Variants in NTN1 observed in about 807,000 individuals in gnomAD.
The protein encoded by NTN1 is netrin-1.
Under a neutral mutation model 54.2 loss-of-function variants are expected in NTN1, and 11 were observed. That is an observed-to-expected ratio of 0.20 (90% CI 0.13 to 0.34). The LOEUF (loss-of-function observed/expected upper bound fraction) is 0.34, where lower values mean the gene tolerates loss of function less well. Ranked by LOEUF, NTN1 falls within the 10% of genes least tolerant of loss-of-function variation. NTN1 has a pLI of 1.00. For synonymous variants in NTN1, 371 were observed against 382.0 expected (o/e 0.97, Z 0.33); for missense variants, 740 against 893.1 (o/e 0.83, Z 2.18).
At chr17:9,137,807 T>A (rs1167871275) in intron 2 of NTN1, among the ~76,000 whole-genome samples, 5 of 149,888 alleles carry the variant, frequency 3.3e-5, no homozygotes, top group Admixed American at 1.3e-4. Flanking sequence ...AAAAAAAAAA[T>A]AAAACTGTTG....
chr17:9,159,674 G>A (rs183006489), intron 2 of NTN1, among the ~76,000 whole-genome samples: 6 of 152,156 alleles, frequency 3.9e-5, no homozygotes, highest in East Asian at 1.9e-4. Flanking sequence ...GGTGGCAGGC[G>A]CCTGTAATAG....
At chr17:9,078,172 G>A (rs1393539374) in intron 2 of NTN1, among the ~76,000 whole-genome samples, 1 of 152,218 alleles carries the variant, frequency 6.6e-6, no homozygotes, top group African/African-American at 2.4e-5. Flanking sequence ...GTGGTGAGCA[G>A]AAGAATGGCG....
At chr17:9,140,348 CG>C (rs2092294217) in intron 2 of NTN1, among the ~76,000 whole-genome samples, 1 of 152,188 alleles carries the variant, frequency 6.6e-6, no homozygotes, top group Non-Finnish European at 1.5e-5. Context: ...TGTGGCAGAA[CG>C]GGTGCTTTGC....
At chr17:9,126,600 A>C (rs2092248330) in intron 2 of NTN1, among the ~76,000 whole-genome samples, 1 of 152,214 alleles carries the variant, frequency 6.6e-6, no homozygotes, top group Admixed American at 6.5e-5. Flanking sequence ...TGGTCTCCTC[A>C]GGCTGATGCT....
Position 9,239,758 on chromosome 17 carries a change from G to A in NTN1, c.1605G>A (p.Leu535=). ...TSRIRRGDQS[L]WIRSRDIACK... ...GCATCCGCCGCGGTGACCAGAGCCT[G>A]TGGATCCGCTCGCGGGACATCGCCT... Residue 535 remains leucine, a synonymous_variant, in exon 7 of 7, where the codon CTG becomes CTA. Coordinates refer to ENST00000173229, the MANE Select transcript of NTN1 (RefSeq NM_004822.3). The surrounding 1 kb of genome is among the most constrained non-coding windows in gnomAD (Gnocchi z 5.2). 6.2e-7 allele frequency: 1 copy of A among 1,613,834 alleles called. No individual in the cohort carries two copies. Among genetic ancestry groups the A allele is most frequent in the Non-Finnish European group, 8.5e-7 (1 of 1,180,032 alleles).
At chr17:9,162,049 A>G (rs989978590) in intron 2 of NTN1, among the ~76,000 whole-genome samples, 11 of 152,160 alleles carry the variant, frequency 7.2e-5, no homozygotes, top group African/African-American at 9.6e-5. Flanking sequence ...GTCCTGAGCA[A>G]TGCTCATGGG....
At chr17:9,055,581 G>A (rs1311075960) in intron 2 of NTN1, among the ~76,000 whole-genome samples, 5 of 152,230 alleles carry the variant, frequency 3.3e-5, no homozygotes, top group Admixed American at 6.5e-5. Context: ...AAGAGAAGAC[G>A]TGAGGAGGTC....
At chr17:9,202,793 G>A (rs192232479) in intron 5 of NTN1, among the ~76,000 whole-genome samples, 85 of 152,334 alleles carry the variant, frequency 5.6e-4, no homozygotes, top group African/African-American at 1.9e-3. Flanking sequence ...ACAAGGAATC[G>A]TGCTGTCTGA....
intron 2 of NTN1, among the ~76,000 whole-genome samples, chr17:9,054,683 C>T (rs2091972880): frequency 1.3e-5 from 2 of 151,510 alleles, no homozygotes; most frequent in Non-Finnish European, 2.9e-5. Context: ...GTGAGTTTGG[C>T]GAGCTCGCAG....
intron 3 of NTN1, among the ~76,000 whole-genome samples, chr17:9,179,477 G>A (rs2092411471): frequency 6.6e-6 from 1 of 152,236 alleles, no homozygotes; most frequent in South Asian, 2.1e-4. Context: ...CTCCACCCAG[G>A]CGTGATGAGG....
intron 2 of NTN1, among the ~76,000 whole-genome samples, chr17:9,161,285 G>A (rs1346439898): frequency 1.3e-5 from 2 of 152,226 alleles, no homozygotes; most frequent in African/African-American, 4.8e-5. Flanking sequence ...GGGAGGAAGG[G>A]AACAGCATGT....
chr17:9,113,390 G>A (rs1411253888), intron 2 of NTN1, among the ~76,000 whole-genome samples: 1 of 152,086 alleles, frequency 6.6e-6, no homozygotes, highest in Non-Finnish European at 1.5e-5. Context: ...TTGCGAAAAT[G>A]TTGTGACTAA....
Position 9,075,058 on chromosome 17 carries a change from CTT to C in NTN1, c.1018+51669_1018+51670del, listed in dbSNP as rs146661610. On this transcript the variant is annotated intron_variant, in intron 2 of 6. Coordinates refer to ENST00000173229, the MANE Select transcript of NTN1 (RefSeq NM_004822.3). ...CCTAGTTGGTTTGTTTACCAAGTCT[CTT>C]TGAGAGGCACAGTGAGTAACAGCAG... Among the ~76,000 whole-genome samples, 526 of 152,328 alleles carry C rather than the reference CTT, an allele frequency of 3.5e-3. 2 individuals are homozygous for C. Among genetic ancestry groups the C allele is most frequent in the African/African-American group, 0.012 (499 of 41,574 alleles).
intron 2 of NTN1, among the ~76,000 whole-genome samples, chr17:9,047,137 G>T (rs1193376548): frequency 6.6e-6 from 1 of 152,204 alleles, no homozygotes. Flanking sequence ...TGTCACTGTT[G>T]GAGGGCTTTT....
intron 3 of NTN1, chr17:9,176,606 G>C (rs538162191): frequency 6.6e-6 from 1 of 152,256 alleles, no homozygotes; most frequent in East Asian, 1.9e-4. Flanking sequence ...TATAATGGGG[G>C]CCATCTCGAT....
intron 5 of NTN1, among the ~76,000 whole-genome samples, chr17:9,206,132 G>A (rs987801061): frequency 6.6e-6 from 1 of 152,140 alleles, no homozygotes; most frequent in African/African-American, 2.4e-5. Context: ...ACACTGGCTG[G>A]GGAGGACTGG....
intron 2 of NTN1, among the ~76,000 whole-genome samples, chr17:9,066,077 A>T (rs2092014140): frequency 6.6e-6 from 1 of 152,152 alleles, no homozygotes; most frequent in East Asian, 1.9e-4. Flanking sequence ...AATATAGTTA[A>T]ATGCAATTAT....
intron 2 of NTN1, among the ~76,000 whole-genome samples, chr17:9,039,610 T>A (rs2091915045): frequency 6.6e-6 from 1 of 152,212 alleles, no homozygotes; most frequent in South Asian, 2.1e-4. Flanking sequence ...ACAATCAAGA[T>A]AAATAACATA....
At chr17:9,072,578 C>T (rs553582228) in intron 2 of NTN1, among the ~76,000 whole-genome samples, 3 of 152,174 alleles carry the variant, frequency 2.0e-5, no homozygotes, top group East Asian at 3.9e-4. Context: ...GTGCCCGCCT[C>T]GGAGAGGAGG....
Sources: allele counts gnomAD v4.1 joint callset (sites outside exome capture counted in the v4.1 genomes callset), GRCh38; gene constraint gnomAD v4.1.1; non-coding constraint Gnocchi (gnomAD v3.1); transcripts MANE v1.5; gene names NCBI Gene and HGNC (gene_info 2026-07-23, HGNC 2026-07-21).